The following AFAP1 variants were observed in gnomAD, a reference collection of about 807,000 sequenced individuals.
AFAP1 encodes actin filament associated protein 1.
AFAP1 carries 75 observed loss-of-function variants against 93.9 expected under a neutral mutation model. The ratio of observed to expected loss-of-function variants is 0.80; its 90% CI spans 0.66 to 0.97. AFAP1 has a LOEUF of 0.97. AFAP1 is among the 50% of genes least tolerant of loss of function. The probability of loss-of-function intolerance (pLI) is 0.00; values close to 1 mark genes in which losing one functional copy is unlikely to be tolerated. For synonymous variants in AFAP1, 517 were observed against 430.7 expected, an observed-to-expected ratio of 1.20 and a Z score of -2.48; for missense variants, 1,201 against 1,050.8, an observed-to-expected ratio of 1.14 and a Z score of -1.98.
In AFAP1 at chr4:7,816,530, T is replaced by C. The variant is rs116089956; in HGVS notation, c.823-431A>G. 9.0e-3 allele frequency among the ~76,000 whole-genome samples: 1,378 copies of C among 152,338 alleles called. 11 individuals are homozygous for C. Among genetic ancestry groups the C allele is most frequent in the Non-Finnish European group, 0.012 (811 of 68,030 alleles). ...TAATTAATTGGGTGAGTGTCAAGTA[T>C]CTGCTTGTAACAATACACTCAGAAT... is the stretch of plus-strand genomic sequence containing the variant. On this transcript the variant is annotated intron_variant, in intron 7 of 17. Coordinates refer to ENST00000420658, the MANE Select transcript of AFAP1 (RefSeq NM_001134647.2).
chr4:7,918,276 G>C (rs926604136), intron 1 of AFAP1, among the ~76,000 whole-genome samples: 2 of 148,788 alleles, frequency 1.3e-5, no homozygotes, highest in Admixed American at 1.3e-4. Context: ...TGAGACATTC[G>C]GCCCAGGTCA....
chr4:7,888,656 C>T (rs1292244492), intron 1 of AFAP1, among the ~76,000 whole-genome samples: 2 of 152,112 alleles, frequency 1.3e-5, no homozygotes, highest in Non-Finnish European at 2.9e-5. Flanking sequence ...AGAGGTAATA[C>T]AATTTTCTAC....
rs115188927 is a variant in AFAP1 at position 7,831,595 on chromosome 4, C to T, written c.726+6929G>A. ...GTTTGTCAGCGCACTGTCGGCTCTA[C>T]GCCCTCTCCCAGTGACACTCCAGGA... On this transcript the variant is annotated intron_variant, in intron 6 of 17. Transcript: ENST00000420658. Among the ~76,000 whole-genome samples, 1,163 of 152,258 alleles carry T rather than the reference C, an allele frequency of 7.6e-3. 9 individuals carry two copies. Among genetic ancestry groups the T allele is most frequent in the African/African-American group, 0.026 (1,090 of 41,540 alleles).
intron 5 of AFAP1, among the ~76,000 whole-genome samples, chr4:7,841,330 G>A (rs1419308564): frequency 6.6e-6 from 1 of 152,194 alleles, no homozygotes; most frequent in Non-Finnish European, 1.5e-5. Context: ...AGACCCCTGG[G>A]GAGGGAGCTC....
intron 1 of AFAP1, among the ~76,000 whole-genome samples, chr4:7,915,423 A>G (rs13140004): frequency 0.88 from 133,813 of 151,788 alleles, 59,229 homozygotes; most frequent in African/African-American, 0.96. Context: ...GAACGCTGAG[A>G]AAGCAGGACT....
intron 1 of AFAP1, among the ~76,000 whole-genome samples, chr4:7,930,350 C>T (rs1720995262): frequency 6.9e-6 from 1 of 145,730 alleles, no homozygotes; most frequent in Non-Finnish European, 1.5e-5. Flanking sequence ...ATAACATAGA[C>T]ATGATTAAGT....
chr4:7,788,659 T>A (rs564004892), intron 11 of AFAP1: 5 of 152,348 alleles, frequency 3.3e-5, no homozygotes, highest in East Asian at 3.9e-4. Flanking sequence ...TTTTGATTTT[T>A]AAAAAATACA....
intron 1 of AFAP1, among the ~76,000 whole-genome samples, chr4:7,922,736 C>T (rs1298589081): frequency 1.3e-5 from 2 of 152,186 alleles, no homozygotes; most frequent in Non-Finnish European, 2.9e-5. Context: ...GTAATCCCAG[C>T]GCTTTCAGAG....
intron 7 of AFAP1, 37 bp from the exon 8 acceptor site, chr4:7,816,136 G>T: frequency 6.4e-7 from 1 of 1,560,484 alleles, no homozygotes. Context: ...TCTTACAGTG[G>T]TCACTTGGAC....
At chr4:7,827,018 G>A (rs1248654473) in intron 6 of AFAP1, among the ~76,000 whole-genome samples, 1 of 152,144 alleles carries the variant, frequency 6.6e-6, no homozygotes, top group East Asian at 1.9e-4. Context: ...TAAAGAGATG[G>A]AGAACTTCAG....
chr4:7,866,526 C>G (rs1484051998), intron 3 of AFAP1, among the ~76,000 whole-genome samples: 1 of 152,194 alleles, frequency 6.6e-6, no homozygotes, highest in African/African-American at 2.4e-5. Flanking sequence ...TCAGTTCCCG[C>G]TCCATCTCAG....
rs200013051 is a variant in AFAP1, at chr4:7,778,782, A to G, written c.1877T>C (p.Val626Ala). 1.2e-6 allele frequency: 2 copies of G among 1,614,136 alleles called. No individual in the cohort carries two copies. Among genetic ancestry groups the G allele is most frequent in the East Asian group, 2.2e-5 (1 of 44,874 alleles). Reference sequence around the variant, plus strand: ...CTTACTCGAACCCGTCCTTTTCACAACAGCCGCGGGATCCGCTTTCTTTGG... The same window carrying G: ...CTTACTCGAACCCGTCCTTTTCACAGCAGCCGCGGGATCCGCTTTCTTTGG... ...SQPKKADPAA[V>A]VKRTGSNAAQ... is the part of the protein sequence containing the mutation. Residue 626 changes from valine to alanine, a missense_variant, in exon 14 of 18, where the codon GTT becomes GCT. Transcript: ENST00000420658.
At chr4:7,901,393 C>T (rs751021431) in intron 1 of AFAP1, among the ~76,000 whole-genome samples, 5 of 152,312 alleles carry the variant, frequency 3.3e-5, no homozygotes, top group Non-Finnish European at 5.9e-5. Context: ...ATGATAAAGA[C>T]GCCTCCATCA....
At chr4:7,790,197 G>C (rs191614468) in intron 11 of AFAP1, among the ~76,000 whole-genome samples, 31 of 152,228 alleles carry the variant, frequency 2.0e-4, no homozygotes, top group African/African-American at 7.2e-4. Flanking sequence ...CTGTTTCCTT[G>C]TCACATCTCA....
chr4:7,770,579 A>G (rs1354843995), intron 16 of AFAP1, among the ~76,000 whole-genome samples: 1 of 152,188 alleles, frequency 6.6e-6, no homozygotes, highest in Non-Finnish European at 1.5e-5. Flanking sequence ...GGCCAGGCAG[A>G]ACCTTCTTTT....
intron 1 of AFAP1, among the ~76,000 whole-genome samples, chr4:7,925,349 AT>A (rs1348502332): frequency 6.6e-6 from 1 of 152,192 alleles, no homozygotes; most frequent in East Asian, 1.9e-4. Flanking sequence ...ACCACATGTT[AT>A]GGAAAGATCA....
At chr4:7,795,276 C>T (rs528401712) in intron 10 of AFAP1, among the ~76,000 whole-genome samples, 4 of 152,084 alleles carry the variant, frequency 2.6e-5, no homozygotes, top group Admixed American at 2.6e-4. Context: ...CCATTAAGTA[C>T]CTTACAGAGA....
intron 7 of AFAP1, 57 bp downstream of exon 7, chr4:7,819,019 G>C (rs1233446570): frequency 1.4e-6 from 2 of 1,422,734 alleles, no homozygotes; most frequent in Admixed American, 4.7e-5. Context: ...AACTTTGAAA[G>C]AGACCCCAAT....
intron 1 of AFAP1, among the ~76,000 whole-genome samples, chr4:7,918,234 G>A (rs1056644203): frequency 2.1e-4 from 30 of 144,134 alleles, no homozygotes; most frequent in Admixed American, 7.0e-5. Flanking sequence ...TGAGACACTC[G>A]GCCCAGGTCA....
Sources: gnomAD v4.1 joint callset for allele counts (sites outside exome capture counted in the v4.1 genomes callset) on GRCh38, gnomAD v4.1.1 for gene constraint, MANE v1.5 for transcripts, NCBI Gene and HGNC (gene_info 2026-07-23, HGNC 2026-07-21) for gene names.